Variants in TLK1 observed in about 807,000 individuals in gnomAD.
The protein encoded by TLK1 is serine/threonine-protein kinase tousled-like 1.
In TLK1, 24 loss-of-function variants were observed where a neutral mutation model predicts 105.3. That is an observed-to-expected ratio of 0.23 (90% CI 0.17 to 0.32). The LOEUF (loss-of-function observed/expected upper bound fraction) is 0.32. Among genes scored for constraint, TLK1 ranks in the 10% least tolerant of loss-of-function variants. The probability of loss-of-function intolerance (pLI) is 1.00; values close to 1 mark genes in which losing one functional copy is unlikely to be tolerated. For synonymous variants in TLK1, 321 were observed against 310.4 expected (o/e 1.03, Z -0.36); for missense variants, 558 against 910.5 (o/e 0.61, Z 4.98).
chr2:171,039,471 T>C (rs962820437), intron 11 of TLK1, among the ~76,000 whole-genome samples: 7 of 152,132 alleles, frequency 4.6e-5, no homozygotes, highest in Non-Finnish European at 8.8e-5. Flanking sequence ...TTGTCAAGGC[T>C]GGTCTTCAAC....
At chr2:170,996,559 G>T in intron 20 of TLK1, 94 bp downstream of exon 20, 1 of 999,564 alleles carries the variant, frequency 1.0e-6, no homozygotes, top group South Asian at 1.6e-5. Context: ...AGCGAGTCTT[G>T]TGACTTTACT....
chr2:171,170,414 C>T (rs774481342), intron 1 of TLK1, among the ~76,000 whole-genome samples: 19 of 152,170 alleles, frequency 1.2e-4, no homozygotes, highest in Non-Finnish European at 2.1e-4. Flanking sequence ...GAACCACTAC[C>T]TCACTGTATC....
intron 3 of TLK1, among the ~76,000 whole-genome samples, chr2:171,065,935 A>C (rs1163990750): frequency 6.6e-6 from 1 of 152,226 alleles, no homozygotes; most frequent in East Asian, 1.9e-4. Flanking sequence ...GCAGCTGGTA[A>C]AACAATGTTC....
At chr2:171,056,229 C>T (rs145933313) in intron 6 of TLK1, among the ~76,000 whole-genome samples, 39 of 152,126 alleles carry the variant, frequency 2.6e-4, no homozygotes, top group African/African-American at 7.2e-4. Context: ...TTAACATAAA[C>T]AATGCTTCTT....
intron 1 of TLK1, among the ~76,000 whole-genome samples, chr2:171,206,919 T>A (rs1452834780): frequency 2.0e-5 from 3 of 152,202 alleles, no homozygotes; most frequent in Admixed American, 2.0e-4. Context: ...GACAAGGATG[T>A]GGAGCAACAG....
chr2:171,074,626 C>CAAAAA (rs372844435), intron 3 of TLK1, among the ~76,000 whole-genome samples: 10 of 89,850 alleles, frequency 1.1e-4, no homozygotes, highest in Admixed American at 2.4e-4. Flanking sequence ...GACTCTGCCT[C>CAAAAA]AAAAAAAAAA....
intron 1 of TLK1, chr2:171,153,747 A>G (rs1212382661): frequency 6.6e-6 from 1 of 152,194 alleles, no homozygotes; most frequent in African/African-American, 2.4e-5. Context: ...ACAATCACCT[A>G]CTTACTTCAC....
In TLK1 at chr2:171,006,266, T is replaced by C. The variant is rs1684648584; in HGVS notation, c.1785A>G (p.Val595=). 4 of 1,598,814 alleles carry C rather than the reference T, an allele frequency of 2.5e-6. No homozygotes were observed. The highest frequency in any genetic ancestry group is 3.4e-6 in the Non-Finnish European group (4 of 1,175,534). Residue 595 remains valine (V), a synonymous_variant, in exon 18 of 21, where the codon GTA becomes GTG. Transcript: ENST00000431350. The stretch of plus-strand genomic sequence containing the variant: ...TGATTTCACCACATGCTGTTCCATC[T>C]ACCAGTAGGATGTTTCCTAAGAATA... The part of the protein sequence containing the change: ...YDLKPGNILL[V]DGTACGEIKI...
At chr2:171,088,852 C>T (rs928740535) in intron 2 of TLK1, among the ~76,000 whole-genome samples, 3 of 152,150 alleles carry the variant, frequency 2.0e-5, no homozygotes, top group African/African-American at 7.2e-5. Flanking sequence ...ATCTGCTCCA[C>T]CAAAAACAAA....
chr2:171,114,477 AT>A (rs1201550627), intron 2 of TLK1, among the ~76,000 whole-genome samples: 6 of 152,202 alleles, frequency 3.9e-5, no homozygotes, highest in Admixed American at 6.5e-5. Context: ...GGTCAAGGAG[AT>A]GGGCTGTTGC....
intron 3 of TLK1, among the ~76,000 whole-genome samples, chr2:171,077,962 C>T (rs897687151): frequency 4.6e-5 from 7 of 152,088 alleles, no homozygotes; most frequent in African/African-American, 1.7e-4. Context: ...CAGGGGACCC[C>T]TAGAAATCCT....
At chr2:171,122,799 G>A (rs1164120914) in intron 1 of TLK1, among the ~76,000 whole-genome samples, 2 of 152,094 alleles carry the variant, frequency 1.3e-5, no homozygotes, top group Non-Finnish European at 2.9e-5. Context: ...AGCACGTTGG[G>A]AGACTGAGGA....
rs920176539 is a variant in TLK1 at position 171,185,573 on chromosome 2, G to C, written c.-6+45572C>G. ...TTGGATATGCTGCTGCTTCTGCCTA[G>C]AATATCTTCCATTCCTCCTTCAAGC... is the stretch of plus-strand genomic sequence containing the variant. On this transcript the variant is annotated intron_variant, in intron 1 of 20. Coordinates refer to the TLK1 transcript ENST00000521943. Among the ~76,000 whole-genome samples the C allele has an allele frequency of 2.0e-5, 3 of 152,012 alleles. No individual in the cohort carries two copies. The South Asian group carries it at 6.2e-4, about 32-fold the overall frequency.
intron 3 of TLK1, among the ~76,000 whole-genome samples, chr2:171,077,402 A>G (rs1688560322): frequency 6.6e-6 from 1 of 152,206 alleles, no homozygotes; most frequent in African/African-American, 2.4e-5. Context: ...TTTCCTTAGC[A>G]CATGATATGT....
At chr2:170,999,089 AG>A (rs1342702383) in intron 18 of TLK1, among the ~76,000 whole-genome samples, 3 of 152,232 alleles carry the variant, frequency 2.0e-5, no homozygotes, top group Non-Finnish European at 4.4e-5. Context: ...TAATAGATGA[AG>A]GGTAAAAATC....
intron 1 of TLK1, among the ~76,000 whole-genome samples, chr2:171,153,693 C>T (rs1558971496): frequency 6.6e-6 from 1 of 152,190 alleles, no homozygotes; most frequent in African/African-American, 2.4e-5. Context: ...GGGGCAGACA[C>T]AGGGGTCCCA....
At chr2:171,158,999 T>C (rs745917193) in intron 1 of TLK1, among the ~76,000 whole-genome samples, 1 of 152,220 alleles carries the variant, frequency 6.6e-6, no homozygotes, top group Admixed American at 6.5e-5. Context: ...CTTTCACACA[T>C]GCTCACAGGA....
rs769699725 is a variant in TLK1, at chr2:171,160,444, G to A, written c.-16C>T. ...GGACACTCATCAAGCTACTTTCTGG[G>A]AACCCGACTCCCCCCCTGCGACGGC... On this transcript the variant is annotated 5_prime_UTR_variant, in exon 1 of 21. Transcript: ENST00000431350. This position sits in a 1 kb window ranked among gnomAD's most constrained non-coding sequence, Gnocchi z 4.4. 1.3e-6 allele frequency: 2 copies of A among 1,589,244 alleles called. No individual in the cohort carries two copies. Among genetic ancestry groups the A allele is most frequent in the South Asian group, 1.1e-5 (1 of 88,424 alleles).
chr2:171,166,674 G>A (rs1009825837), intron 1 of TLK1, among the ~76,000 whole-genome samples: 3 of 152,222 alleles, frequency 2.0e-5, no homozygotes, highest in African/African-American at 7.2e-5. Flanking sequence ...TCGTAAGGTA[G>A]TATCTGTGAA....
Sources: allele counts gnomAD v4.1 joint callset (sites outside exome capture counted in the v4.1 genomes callset), GRCh38; gene constraint gnomAD v4.1.1; non-coding constraint Gnocchi (gnomAD v3.1); transcripts MANE v1.5; gene names NCBI Gene and HGNC (gene_info 2026-07-23, HGNC 2026-07-21).